FAM177A1: variants seen among roughly 807,000 people sequenced by gnomAD.
FAM177A1 encodes the protein family with sequence similarity 177 member A1.
A neutral mutation model predicts 26.1 loss-of-function variants in FAM177A1; 22 were observed. The observed-to-expected ratio is 0.84, with a 90% CI of 0.60 to 1.20. The LOEUF is 1.20. Ranked by LOEUF, FAM177A1 falls within the 50% of genes most tolerant of loss-of-function variation. FAM177A1 has a pLI of 0.00. For synonymous variants in FAM177A1, 95 were observed against 99.3 expected, an observed-to-expected ratio of 0.96 and a Z score of 0.26; for missense variants, 296 against 291.1, an observed-to-expected ratio of 1.02 and a Z score of -0.12.
At chr14:35,071,435 T>C (rs373553246) in intron 2 of FAM177A1, among the ~76,000 whole-genome samples, 6 of 152,256 alleles carry the variant, frequency 3.9e-5, no homozygotes, top group African/African-American at 1.4e-4. Context: ...AAATGAATCA[T>C]TTTGAGTTTT....
chr14:35,050,760 C>T (rs2044953844), intron 1 of FAM177A1: 1 of 152,150 alleles, frequency 6.6e-6, no homozygotes. Context: ...TCTAACTTAG[C>T]TCATCTGTCT....
chr14:35,064,562 C>T (rs1029720127), intron 2 of FAM177A1, among the ~76,000 whole-genome samples: 1 of 152,084 alleles, frequency 6.6e-6, no homozygotes, highest in Non-Finnish European at 1.5e-5. Flanking sequence ...AGAATTTATA[C>T]TTAGGAAATG....
intron 1 of FAM177A1, among the ~76,000 whole-genome samples, chr14:35,052,261 C>T (rs911912054): frequency 1.4e-5 from 2 of 147,148 alleles, no homozygotes; most frequent in Non-Finnish European, 3.0e-5. Context: ...TTTTTTTTTT[C>T]CGAGATGGAG....
chr14:35,080,911 ACTTT>A, intron 4 of FAM177A1, 107 bp from the exon 5 acceptor site: 4 of 1,023,778 alleles, frequency 3.9e-6, no homozygotes, highest in Non-Finnish European at 5.4e-6. Flanking sequence ...TGAACATGAC[ACTTT>A]TTTTTTTTTT....
intron 2 of FAM177A1, among the ~76,000 whole-genome samples, chr14:35,070,857 G>C (rs1465080968): frequency 6.6e-6 from 1 of 151,786 alleles, no homozygotes; most frequent in African/African-American, 2.4e-5. Context: ...AAATATGTAA[G>C]GGACAACAAT....
chr14:35,068,115 A>G (rs2138554616), intron 2 of FAM177A1, among the ~76,000 whole-genome samples: 1 of 152,298 alleles, frequency 6.6e-6, no homozygotes, highest in East Asian at 1.9e-4. Flanking sequence ...AATGTTATGT[A>G]GTTTTCCCTT....
intron 3 of FAM177A1, among the ~76,000 whole-genome samples, chr14:35,077,733 C>T (rs1245266018): frequency 1.3e-5 from 2 of 152,028 alleles, no homozygotes; most frequent in Admixed American, 6.5e-5. Context: ...CCACCCGCCT[C>T]GGCCTCCCAA....
At chr14:35,051,841 A>G (rs28492385) in intron 1 of FAM177A1, among the ~76,000 whole-genome samples, 2,207 of 152,370 alleles carry the variant, frequency 0.014, 42 homozygotes, top group African/African-American at 0.047. Flanking sequence ...AGATGAAACA[A>G]TGTATAAAAA....
At chr14:35,046,726 A>G (rs1380635191) in intron 1 of FAM177A1, 98 bp downstream of exon 1, 4 of 1,425,310 alleles carry the variant, frequency 2.8e-6, no homozygotes, top group Non-Finnish European at 3.7e-6. Context: ...TCCTCCGAGC[A>G]GGCCGCCCCA....
At chr14:35,047,860 A>G (rs2044898720) in intron 1 of FAM177A1, among the ~76,000 whole-genome samples, 1 of 152,136 alleles carries the variant, frequency 6.6e-6, no homozygotes, top group Non-Finnish European at 1.5e-5. Flanking sequence ...CAGTAGCTTC[A>G]TTTTTGAGAC....
chr14:35,077,237 T>C, intron 3 of FAM177A1, 21 bp downstream of exon 3: 2 of 1,607,052 alleles, frequency 1.2e-6, no homozygotes. Flanking sequence ...TCTGCTTGAA[T>C]ATTGTATAAT....
At chr14:35,047,096 C>T in intron 1 of FAM177A1, 1 of 784,288 alleles carries the variant, frequency 1.3e-6, no homozygotes, top group Non-Finnish European at 1.5e-6. Context: ...TGGGTGTTAG[C>T]CCCATTTCAC....
At chr14:35,070,622 C>T (rs769679648) in intron 2 of FAM177A1, among the ~76,000 whole-genome samples, 25 of 152,172 alleles carry the variant, frequency 1.6e-4, no homozygotes, top group Non-Finnish European at 2.9e-4. Flanking sequence ...GCCACCACAC[C>T]CGGCGGAGCT....
At chr14:35,048,091 A>G (rs1486626144) in intron 1 of FAM177A1, among the ~76,000 whole-genome samples, 3 of 152,080 alleles carry the variant, frequency 2.0e-5, no homozygotes, top group African/African-American at 4.8e-5. Context: ...TTTCCCTCCT[A>G]CTTAAGAAGG....
intron 2 of FAM177A1, among the ~76,000 whole-genome samples, chr14:35,075,693 C>T (rs1406024721): frequency 9.9e-5 from 15 of 152,178 alleles, no homozygotes; most frequent in Non-Finnish European, 1.9e-4. Flanking sequence ...TTTTTACAAT[C>T]TACTAATCTG....
rs532692819 is a variant in FAM177A1 at position 35,059,022 on chromosome 14, G to A, written c.339+5571G>A. Among the ~76,000 whole-genome samples, 10 of 151,948 alleles carry A rather than the reference G, an allele frequency of 6.6e-5. No individual in the cohort carries two copies. In the East Asian group the frequency reaches 1.7e-3, roughly 26 times the overall value. On this transcript the variant is annotated intron_variant, in intron 2 of 4. Coordinates refer to ENST00000280987, the MANE Select transcript of FAM177A1 (RefSeq NM_173607.5). ...ATGATCTCGGCTCACTGCAAGCTCC[G>A]CCTCCCGGGTTCACGCCATTCTCCT... is the stretch of plus-strand genomic sequence containing the variant.
intron 2 of FAM177A1, among the ~76,000 whole-genome samples, chr14:35,065,892 A>G (rs1401290054): frequency 3.3e-5 from 5 of 151,826 alleles, no homozygotes; most frequent in Non-Finnish European, 2.9e-5. Flanking sequence ...GGATTTCACC[A>G]TCTTGGCCAG....
upstream of FAM177A1, chr14:35,046,191 G>A: frequency 3.3e-6 from 1 of 304,556 alleles, no homozygotes; most frequent in Non-Finnish European, 6.1e-6. Context: ...AGCTCTGGAT[G>A]CTTGCTTGGC....
intron 2 of FAM177A1, among the ~76,000 whole-genome samples, chr14:35,066,500 G>T (rs1043903757): frequency 4.0e-5 from 6 of 151,620 alleles, no homozygotes; most frequent in Admixed American, 3.9e-4. Context: ...CTGCCCTTGG[G>T]ATCAAGCAAT....
Sources: allele counts gnomAD v4.1 joint callset (sites outside exome capture counted in the v4.1 genomes callset), GRCh38; gene constraint gnomAD v4.1.1; transcripts MANE v1.5; gene names NCBI Gene and HGNC (gene_info 2026-07-23, HGNC 2026-07-21).